The following TSHR variants were observed in gnomAD, a reference collection of about 807,000 sequenced individuals.
TSHR encodes the protein thyroid stimulating hormone receptor.
A neutral mutation model predicts 64.1 loss-of-function variants in TSHR; 51 were observed. The ratio of observed to expected loss-of-function variants is 0.80; its 90% CI spans 0.64 to 1.01. The LOEUF is 1.01. Ranked by LOEUF, TSHR falls within the 50% of genes least tolerant of loss-of-function variation. The pLI is 0.00. For synonymous variants in TSHR, 361 were observed against 361.9 expected (o/e 1.00, Z 0.03); for missense variants, 877 against 942.8 (o/e 0.93, Z 0.91).
intron 1 of TSHR, among the ~76,000 whole-genome samples, chr14:81,057,457 A>G (rs1313060567): frequency 6.6e-6 from 1 of 152,190 alleles, no homozygotes; most frequent in Non-Finnish European, 1.5e-5. Context: ...CACCAAAATA[A>G]GAACACAAGG....
chr14:81,097,873 T>C (rs1889314123), intron 7 of TSHR, among the ~76,000 whole-genome samples: 1 of 152,182 alleles, frequency 6.6e-6, no homozygotes, highest in Non-Finnish European at 1.5e-5. Flanking sequence ...ATTCTCTCGA[T>C]TGTCTGGTTG....
intron 3 of TSHR, among the ~76,000 whole-genome samples, chr14:81,070,118 C>T (rs1007777463): frequency 2.6e-5 from 4 of 151,780 alleles, no homozygotes; most frequent in Admixed American, 2.0e-4. Flanking sequence ...AAATATATAG[C>T]ACAATAAAAA....
At chr14:81,062,119 C>A in intron 1 of TSHR, 29 bp from the exon 2 acceptor site, 1 of 1,573,784 alleles carries the variant, frequency 6.4e-7, no homozygotes, top group Non-Finnish European at 8.7e-7. Context: ...ATGATTAAAA[C>A]TCTAATTATG....
At chr14:80,955,883 A>G (rs1566735571) in intron 1 of TSHR, 33 bp downstream of exon 1, 1 of 1,613,978 alleles carries the variant, frequency 6.2e-7, no homozygotes, top group Non-Finnish European at 8.5e-7. Context: ...GGTAGGACCC[A>G]GAGATCAAGG....
chr14:81,125,485 T>G (rs1200753874), intron 8 of TSHR, among the ~76,000 whole-genome samples: 2 of 152,160 alleles, frequency 1.3e-5, no homozygotes, highest in African/African-American at 4.8e-5. Context: ...GCCCTGACTA[T>G]ATTATTGCTG....
chr14:81,012,077 C>T (rs1187444063), intron 1 of TSHR: 20 of 151,710 alleles, frequency 1.3e-4, no homozygotes, highest in Non-Finnish European at 2.4e-4. Flanking sequence ...TCTCCCAATG[C>T]TATCCCTCCC....
chr14:81,109,800 G>A (rs1212138871), intron 8 of TSHR, among the ~76,000 whole-genome samples: 1 of 87,968 alleles, frequency 1.1e-5, no homozygotes, highest in African/African-American at 4.1e-5. Context: ...TGTGCCACGT[G>A]GGGGTTACTG....
chr14:81,111,560 G>A (rs1332820916), intron 8 of TSHR, among the ~76,000 whole-genome samples: 2 of 152,132 alleles, frequency 1.3e-5, no homozygotes, highest in South Asian at 2.1e-4. Flanking sequence ...CTTCAGCTTT[G>A]TCTTTTACAC....
chr14:81,015,382 T>C (rs968185633), intron 1 of TSHR, among the ~76,000 whole-genome samples: 3 of 152,172 alleles, frequency 2.0e-5, no homozygotes, highest in African/African-American at 7.2e-5. Flanking sequence ...AAATTTCTAA[T>C]GCATAATTTT....
chr14:80,980,661 A>G (rs1384148642), intron 1 of TSHR, among the ~76,000 whole-genome samples: 2 of 152,200 alleles, frequency 1.3e-5, no homozygotes, highest in Non-Finnish European at 2.9e-5. Flanking sequence ...TCTATTTTGA[A>G]TGAGAAGTTC....
At chr14:81,135,435 A>C (rs947868556) in intron 8 of TSHR, among the ~76,000 whole-genome samples, 4 of 152,212 alleles carry the variant, frequency 2.6e-5, no homozygotes, top group Non-Finnish European at 4.4e-5. Context: ...AGTTCCTAAA[A>C]TCAGAATAGT....
intron 8 of TSHR, among the ~76,000 whole-genome samples, chr14:81,109,474 T>C (rs557460277): frequency 6.6e-6 from 1 of 152,232 alleles, no homozygotes; most frequent in East Asian, 1.9e-4. Context: ...ACCGTAGAGA[T>C]ACACAAGATA....
At chr14:81,129,813 C>A (rs1207920017) in intron 8 of TSHR, among the ~76,000 whole-genome samples, 6 of 152,350 alleles carry the variant, frequency 3.9e-5, no homozygotes, top group Non-Finnish European at 8.8e-5. Flanking sequence ...CTGGCCCCTT[C>A]ACCGGGGCCC....
Position 81,142,928 on chromosome 14 carries a change from G to A in TSHR, c.882-12G>A. 1 of 1,613,776 alleles carries A rather than the reference G, an allele frequency of 6.2e-7. No homozygotes were observed. Among genetic ancestry groups the A allele is most frequent in the African/African-American group, 1.3e-5 (1 of 75,030 alleles). ...CCCAGCCTGGCACTGACTCTTTTCT[G>A]TTGCCTTGCAGAATCCTTGAGTCCT... On this transcript the variant is annotated splice_polypyrimidine_tract_variant and intron_variant, in intron 9 of 9. Coordinates refer to ENST00000298171, the MANE Select transcript of TSHR (RefSeq NM_000369.5).
At chr14:81,059,282 T>A (rs190544840) in intron 1 of TSHR, among the ~76,000 whole-genome samples, 26 of 152,304 alleles carry the variant, frequency 1.7e-4, no homozygotes, top group Admixed American at 1.4e-3. Flanking sequence ...AATGTTTTCA[T>A]AAGCTCAATC....
At chr14:80,992,896 T>C (rs910743939) in intron 1 of TSHR, 3 of 152,074 alleles carry the variant, frequency 2.0e-5, no homozygotes, top group African/African-American at 7.2e-5. Flanking sequence ...TAGCATAGAA[T>C]CATGGGAAAT....
intron 7 of TSHR, chr14:81,104,509 T>A (rs1242122648): frequency 1.0e-6 from 1 of 985,260 alleles, no homozygotes; most frequent in Admixed American, 6.2e-5. Flanking sequence ...ATAGATCACG[T>A]CTTTCTAAAC....
chr14:81,114,541 T>G (rs568000153), intron 8 of TSHR, among the ~76,000 whole-genome samples: 1 of 150,136 alleles, frequency 6.7e-6, no homozygotes, highest in Non-Finnish European at 1.5e-5. Context: ...GCCCACGGAG[T>G]CTCCCTGATT....
At chr14:80,994,279 G>A (rs1369748329) in intron 1 of TSHR, 1 of 151,698 alleles carries the variant, frequency 6.6e-6, no homozygotes, top group African/African-American at 2.4e-5. Context: ...GTCAGCAGTA[G>A]GCTATTAGTA....
Sources: allele counts gnomAD v4.1 joint callset (sites outside exome capture counted in the v4.1 genomes callset), GRCh38; gene constraint gnomAD v4.1.1; transcripts MANE v1.5; gene names NCBI Gene and HGNC (gene_info 2026-07-23, HGNC 2026-07-21).